The following AP3B1 variants were observed in gnomAD, a reference collection of about 807,000 sequenced individuals.
AP3B1 encodes AP-3 complex subunit beta-1.
In AP3B1, 61 loss-of-function variants were observed where a neutral mutation model predicts 132.5. The ratio of observed to expected loss-of-function variants is 0.46; its 90% CI spans 0.37 to 0.57. AP3B1 has a LOEUF of 0.57. Among genes scored for constraint, AP3B1 ranks in the 20% least tolerant of loss-of-function variants. AP3B1 has a pLI of 0.00. For synonymous variants in AP3B1, 388 were observed against 438.3 expected, an observed-to-expected ratio of 0.89 and a Z score of 1.43; for missense variants, 1,120 against 1,289.4, an observed-to-expected ratio of 0.87 and a Z score of 2.01.
intron 14 of AP3B1, among the ~76,000 whole-genome samples, chr5:78,155,281 T>G (rs1743099105): frequency 6.6e-6 from 1 of 152,178 alleles, no homozygotes; most frequent in African/African-American, 2.4e-5. Context: ...AGTGCAGAGA[T>G]TCTCCATGCC....
At chr5:78,201,397 A>G (rs1745283219) in intron 7 of AP3B1, among the ~76,000 whole-genome samples, 1 of 152,222 alleles carries the variant, frequency 6.6e-6, no homozygotes, top group Admixed American at 6.5e-5. Flanking sequence ...GAAATAGCCC[A>G]GTATTTATTA....
intron 3 of AP3B1, among the ~76,000 whole-genome samples, chr5:78,239,778 CAAAAA>C (rs560151932): frequency 3.9e-5 from 3 of 77,354 alleles, no homozygotes; most frequent in African/African-American, 1.5e-4. Context: ...GACTCTGTCT[CAAAAA>C]AAAAAAAAAA....
intron 11 of AP3B1, among the ~76,000 whole-genome samples, chr5:78,173,013 T>C (rs565719873): frequency 7.2e-5 from 11 of 152,240 alleles, no homozygotes; most frequent in Non-Finnish European, 1.6e-4. Context: ...TTCATTTCGT[T>C]ATTTACCCAG....
At chr5:78,242,617 G>C (rs934480970) in intron 2 of AP3B1, among the ~76,000 whole-genome samples, 6 of 151,972 alleles carry the variant, frequency 3.9e-5, no homozygotes, top group Non-Finnish European at 5.9e-5. Flanking sequence ...ATGTTGACCA[G>C]GCTGGCCTTG....
intron 21 of AP3B1, 65 bp downstream of exon 21, chr5:78,100,888 G>A: frequency 3.2e-6 from 3 of 923,532 alleles, no homozygotes; most frequent in South Asian, 1.6e-5. Context: ...TAAATGAAAG[G>A]TACTATAAAA....
At chr5:78,257,629 C>A (rs1000129255) in intron 2 of AP3B1, among the ~76,000 whole-genome samples, 1 of 152,174 alleles carries the variant, frequency 6.6e-6, no homozygotes, top group African/African-American at 2.4e-5. Context: ...CAATGCCTAT[C>A]AAAATACCAA....
In AP3B1 at chr5:78,193,740, T is replaced by TATATATATATATATATCTATA. The variant is rs1561469382; in HGVS notation, c.787-12079_787-12078insTATAGATATATATATATATAT. 1.2e-4 allele frequency among the ~76,000 whole-genome samples: 5 copies of TATATATATATATATATCTATA among 41,704 alleles called. No individual in the cohort carries two copies. In the Admixed American group the frequency reaches 1.4e-3, roughly 12 times the overall value. The allele number at this position is 41,704 out of a possible 152,430, so 27.4% of individuals were successfully genotyped here. A position where few individuals can be genotyped will look rare whatever the true frequency, so the allele number is the denominator to read the frequency against. On this transcript the variant is annotated intron_variant, in intron 7 of 26. Coordinates refer to ENST00000255194, the MANE Select transcript of AP3B1 (RefSeq NM_003664.5). ...CATATTTTTAAATATTTGTATATAT[T>TATATATATATATATATCTATA]TTTTTATATATATATATATATATAT... is the stretch of plus-strand genomic sequence containing the variant.
intron 2 of AP3B1, among the ~76,000 whole-genome samples, chr5:78,265,141 T>C (rs141044114): frequency 9.9e-5 from 15 of 151,894 alleles, no homozygotes; most frequent in African/African-American, 2.9e-4. Context: ...GTTGGAAAAA[T>C]TGAAAATTAA....
At chr5:78,134,095 G>A (rs1268979505) in intron 15 of AP3B1, among the ~76,000 whole-genome samples, 2 of 145,996 alleles carry the variant, frequency 1.4e-5, no homozygotes, top group Admixed American at 7.1e-5. Context: ...AGCTTGCAGT[G>A]AGCCGAGATC....
chr5:78,047,678 C>T (rs1233718938), intron 22 of AP3B1, among the ~76,000 whole-genome samples: 1 of 152,130 alleles, frequency 6.6e-6, no homozygotes, highest in African/African-American at 2.4e-5. Flanking sequence ...TCAGGTTCCT[C>T]TCCTGTAAAG....
At chr5:78,162,709 T>C in intron 13 of AP3B1, 110 bp downstream of exon 13, 1 of 1,156,530 alleles carries the variant, frequency 8.6e-7, no homozygotes, top group Non-Finnish European at 1.3e-6. Flanking sequence ...ATACTACTGA[T>C]ATAACTGGAA....
intron 2 of AP3B1, among the ~76,000 whole-genome samples, chr5:78,266,064 T>G (rs1371118633): frequency 6.6e-6 from 1 of 152,120 alleles, no homozygotes; most frequent in Non-Finnish European, 1.5e-5. Context: ...TTGAAAGAAG[T>G]GACATGATTG....
chr5:78,086,483 G>A (rs1051666010), intron 22 of AP3B1, among the ~76,000 whole-genome samples: 1 of 152,124 alleles, frequency 6.6e-6, no homozygotes, highest in African/African-American at 2.4e-5. Flanking sequence ...TGGCTTGCCC[G>A]AAGTCTCTAA....
At chr5:78,004,287 T>A (rs1190142574) in intron 26 of AP3B1, among the ~76,000 whole-genome samples, 1 of 152,180 alleles carries the variant, frequency 6.6e-6, no homozygotes, top group East Asian at 1.9e-4. Context: ...AACTGGTCAG[T>A]GTCTCATGTC....
chr5:78,243,894 T>C (rs1208729992), intron 2 of AP3B1, among the ~76,000 whole-genome samples: 1 of 152,158 alleles, frequency 6.6e-6, no homozygotes, highest in East Asian at 1.9e-4. Context: ...TGGAGAGTTG[T>C]GAGCAGAGGA....
chr5:78,050,972 C>A (rs562766663), intron 22 of AP3B1, among the ~76,000 whole-genome samples: 1 of 152,146 alleles, frequency 6.6e-6, no homozygotes, highest in South Asian at 2.1e-4. Flanking sequence ...AATCTTTACA[C>A]AGCATATGTT....
At chr5:78,101,764 G>A (rs1195188850) in intron 20 of AP3B1, among the ~76,000 whole-genome samples, 1 of 152,050 alleles carries the variant, frequency 6.6e-6, no homozygotes, top group African/African-American at 2.4e-5. Context: ...ACTGTTCACA[G>A]TTTGGTTAGA....
intron 19 of AP3B1, among the ~76,000 whole-genome samples, chr5:78,111,063 A>C (rs1266224904): frequency 6.6e-6 from 1 of 152,072 alleles, no homozygotes; most frequent in African/African-American, 2.4e-5. Context: ...TGGTTTAGTA[A>C]TATATTTAAA....
At chr5:78,037,534 C>A (rs1244265542) in intron 23 of AP3B1, among the ~76,000 whole-genome samples, 2 of 152,068 alleles carry the variant, frequency 1.3e-5, no homozygotes, top group Non-Finnish European at 2.9e-5. Context: ...CAGGCTTTAT[C>A]AAAAATTATT....
Sources: gnomAD v4.1 joint callset for allele counts (sites outside exome capture counted in the v4.1 genomes callset) on GRCh38, gnomAD v4.1.1 for gene constraint, MANE v1.5 for transcripts, NCBI Gene and HGNC (gene_info 2026-07-23, HGNC 2026-07-21) for gene names.